KIF24: variants seen among roughly 807,000 people sequenced by gnomAD.
KIF24 encodes the protein kinesin family member 24.
A neutral mutation model predicts 118.9 loss-of-function variants in KIF24; 81 were observed. The observed-to-expected ratio is 0.68, with a 90% CI of 0.57 to 0.82. KIF24 has a LOEUF of 0.82. Among genes scored for constraint, KIF24 ranks in the 40% least tolerant of loss-of-function variants. The pLI is 0.00. For synonymous variants in KIF24, 599 were observed against 610.0 expected (o/e 0.98, Z 0.27); for missense variants, 1,560 against 1,661.6 (o/e 0.94, Z 1.06).
At chr9:34,269,136 T>C in intron 8 of KIF24, 121 bp downstream of exon 8, 1 of 533,846 alleles carries the variant, frequency 1.9e-6, no homozygotes, top group Non-Finnish European at 3.3e-6. Context: ...TGGCATTCTA[T>C]TACTACATAA....
chr9:34,311,155 C>A lies in KIF24; in HGVS notation c.192G>T (p.Met64Ile), dbSNP rs377689498. Reference sequence around the variant, plus strand: ...TACTGACTGCTTTATCTTCTTCTTGCATAATCTTAATAATTTTGATAAGTT... The same window carrying A: ...TACTGACTGCTTTATCTTCTTCTTGAATAATCTTAATAATTTTGATAAGTT... ...LFQLIKIIKI[M>I]QEEDKAVSIP... The change falls in exon 2 of 13, where the codon ATG (methionine) becomes ATT (isoleucine). Residue 64 changes from methionine (M) to isoleucine (I), a missense_variant. By Grantham distance (10) the Met-to-Ile change is conservative. Transcript: ENST00000402558. The A allele has an allele frequency of 1.2e-5, 19 of 1,613,444 alleles. No individual in the cohort carries two copies. The highest frequency in any genetic ancestry group is 1.0e-5 in the Non-Finnish European group (12 of 1,179,514).
intron 10 of KIF24, 141 bp from the exon 11 acceptor site, chr9:34,258,122 G>A: frequency 1.5e-6 from 1 of 679,164 alleles, no homozygotes; most frequent in Non-Finnish European, 2.5e-6. Flanking sequence ...AGAATAAGAG[G>A]AAAAGGGAAC....
At chr9:34,331,985 C>T (rs946360815), upstream of KIF24, among the ~76,000 whole-genome samples, 26 of 152,202 alleles carry the variant, frequency 1.7e-4, no homozygotes, top group Admixed American at 1.2e-3. Flanking sequence ...TTTCCTTTCT[C>T]ACAGCCTCTG....
At chr9:34,285,294 AT>A (rs1456613562) in intron 6 of KIF24, among the ~76,000 whole-genome samples, 3 of 152,190 alleles carry the variant, frequency 2.0e-5, no homozygotes, top group Non-Finnish European at 4.4e-5. Context: ...TCACTTTTGA[AT>A]TCTGAACTCA....
intron 4 of KIF24, among the ~76,000 whole-genome samples, chr9:34,295,816 G>A (rs544448636): frequency 3.3e-5 from 5 of 152,186 alleles, no homozygotes; most frequent in Admixed American, 2.6e-4. Context: ...TGGATTACAG[G>A]TGCAAGCCAC....
At chr9:34,317,138 T>C (rs191988765) in intron 1 of KIF24, among the ~76,000 whole-genome samples, 3 of 151,468 alleles carry the variant, frequency 2.0e-5, no homozygotes, top group Admixed American at 1.3e-4. Context: ...GAATCACTTG[T>C]ACCGGGAAAG....
At chr9:34,327,526 A>C (rs1346444465) in intron 1 of KIF24, among the ~76,000 whole-genome samples, 3 of 152,278 alleles carry the variant, frequency 2.0e-5, no homozygotes, top group East Asian at 3.8e-4. Flanking sequence ...AGAAAAATGT[A>C]ATATGCATAT....
intron 2 of KIF24, among the ~76,000 whole-genome samples, chr9:34,306,806 A>AC (rs1379551260): frequency 6.6e-6 from 1 of 152,140 alleles, no homozygotes; most frequent in Non-Finnish European, 1.5e-5. Context: ...TGTCTCAAAA[A>AC]AAAAAAAAGT....
chr9:34,268,577 G>A (rs1425741548), intron 8 of KIF24, among the ~76,000 whole-genome samples: 16 of 136,730 alleles, frequency 1.2e-4, no homozygotes, highest in African/African-American at 4.4e-4. Context: ...GCACGATCTC[G>A]GCTCACTACA....
intron 3 of KIF24, among the ~76,000 whole-genome samples, chr9:34,299,644 T>C (rs1159333658): frequency 6.6e-6 from 1 of 152,092 alleles, no homozygotes; most frequent in Non-Finnish European, 1.5e-5. Flanking sequence ...ATTGCCTTCA[T>C]GGAGGAAACA....
intron 4 of KIF24, among the ~76,000 whole-genome samples, chr9:34,295,801 G>A (rs1328428219): frequency 1.3e-5 from 2 of 151,988 alleles, no homozygotes; most frequent in African/African-American, 4.8e-5. Context: ...GCCTCCCAAA[G>A]TGCTTGGATT....
chr9:34,276,633 A>G (rs1047376461), intron 6 of KIF24, among the ~76,000 whole-genome samples: 19 of 152,182 alleles, frequency 1.2e-4, no homozygotes, highest in African/African-American at 4.1e-4. Flanking sequence ...AAGCAATAGT[A>G]TGTTTCTAAA....
rs547247232 is a variant in KIF24 at position 34,306,350 on chromosome 9, G to A, written c.715C>T (p.Arg239Cys). 25 of 1,609,742 alleles carry A rather than the reference G, an allele frequency of 1.6e-5. No homozygotes were observed. Among genetic ancestry groups the A allele is most frequent in the Admixed American group, 3.3e-5 (2 of 59,954 alleles). Reference protein sequence around the residue: ...RKRPLGMREVRRGEINIITVE... With the variant: ...RKRPLGMREVCRGEINIITVE... ...GTAATAATATTAATTTCTCCACGACGTACCTCCCTCATGCCCAGGGGGCGT... is the reference window on the plus strand; with the variant it reads ...GTAATAATATTAATTTCTCCACGACATACCTCCCTCATGCCCAGGGGGCGT... Residue 239 changes from arginine to cysteine, a missense_variant, in exon 3 of 13, where the codon CGT becomes TGT. This residue lies in a region of KIF24 where 964 missense variants were observed against 988.0 expected (regional missense o/e 0.98). Transcript: ENST00000402558.
intron 2 of KIF24, among the ~76,000 whole-genome samples, chr9:34,309,873 T>C (rs1837070202): frequency 6.6e-6 from 1 of 151,926 alleles, no homozygotes; most frequent in Non-Finnish European, 1.5e-5. Context: ...TCTTAAGGTA[T>C]GAATAACAGT....
chr9:34,262,074 T>G (rs1437028350), intron 9 of KIF24, among the ~76,000 whole-genome samples: 1 of 152,122 alleles, frequency 6.6e-6, no homozygotes, highest in African/African-American at 2.4e-5. Context: ...GCTGGGACCA[T>G]GGGCCCACAG....
At chr9:34,264,720 G>A (rs146142790) in intron 8 of KIF24, among the ~76,000 whole-genome samples, 72 of 151,900 alleles carry the variant, frequency 4.7e-4, no homozygotes, top group African/African-American at 1.7e-3. Flanking sequence ...AAATTCAAGC[G>A]TGGCCACCAA....
chr9:34,268,417 A>C (rs912895735), intron 8 of KIF24, among the ~76,000 whole-genome samples: 10 of 152,020 alleles, frequency 6.6e-5, no homozygotes, highest in African/African-American at 2.4e-4. Context: ...CGGCCTCCAA[A>C]AGTGTTGGGA....
At chr9:34,263,208 G>C in intron 8 of KIF24, 36 bp from the exon 9 acceptor site, 1 of 1,533,958 alleles carries the variant, frequency 6.5e-7, no homozygotes, top group Non-Finnish European at 9.0e-7. Context: ...CAAGTATCAA[G>C]TGCAAAGGGA....
At chr9:34,305,038 A>C (rs553529821) in intron 3 of KIF24, among the ~76,000 whole-genome samples, 1 of 152,336 alleles carries the variant, frequency 6.6e-6, no homozygotes, top group South Asian at 2.1e-4. Context: ...CCAATGGATT[A>C]TCTGGTTTTA....
Sources: gnomAD v4.1 joint callset for allele counts (sites outside exome capture counted in the v4.1 genomes callset) on GRCh38, gnomAD v4.1.1 for gene constraint, gnomAD v4.1.1 regional missense constraint, MANE v1.5 for transcripts, NCBI Gene and HGNC (gene_info 2026-07-23, HGNC 2026-07-21) for gene names.